Variants in SCNN1B observed in about 807,000 individuals in gnomAD.
The protein encoded by SCNN1B is epithelial sodium channel subunit beta.
A neutral mutation model predicts 65.3 loss-of-function variants in SCNN1B; 46 were observed. That is an observed-to-expected ratio of 0.70 (90% confidence interval 0.56 to 0.90). The LOEUF (loss-of-function observed/expected upper bound fraction) is 0.90, where lower values mean the gene tolerates loss of function less well. Among genes scored for constraint, SCNN1B ranks in the 40% least tolerant of loss-of-function variants. The pLI is 0.00. For missense variants in SCNN1B, 751 were observed against 830.5 expected (o/e 0.90, Z 1.18); for synonymous variants, 349 against 330.6 (o/e 1.06, Z -0.60).
chr16:23,318,815 C>T (rs2141992353), intron 1 of SCNN1B, among the ~76,000 whole-genome samples: 1 of 152,314 alleles, frequency 6.6e-6, no homozygotes, highest in African/African-American at 2.4e-5. Flanking sequence ...AGGAAGGCAG[C>T]TCCCTGAAAT....
intron 2 of SCNN1B, among the ~76,000 whole-genome samples, chr16:23,293,264 A>G (rs1192006222): frequency 6.6e-6 from 1 of 152,136 alleles, no homozygotes; most frequent in African/African-American, 2.4e-5. Flanking sequence ...AACAAACCAA[A>G]TGTCCATAAA....
intron 10 of SCNN1B, 29 bp from the exon 11 acceptor site, chr16:23,378,677 A>G (rs1346675102): frequency 1.2e-6 from 2 of 1,613,264 alleles, no homozygotes; most frequent in Non-Finnish European, 1.7e-6. Flanking sequence ...GCAGATGGCA[A>G]CTTTTGCAAC....
upstream of SCNN1B, among the ~76,000 whole-genome samples, chr16:23,301,359 C>A (rs868657329): frequency 7.1e-4 from 85 of 120,364 alleles, no homozygotes; most frequent in South Asian, 1.9e-3. Context: ...GAGACTCTGT[C>A]AAAAAAAAAA....
chr16:23,280,954 C>T (rs1180833148), intron 1 of SCNN1B, among the ~76,000 whole-genome samples: 2 of 152,238 alleles, frequency 1.3e-5, no homozygotes, highest in Non-Finnish European at 2.9e-5. Flanking sequence ...CACTTCCTTA[C>T]ATCCTGTAAC....
Position 23,375,861 on chromosome 16 carries a change from C to T in SCNN1B, c.1270+6C>T, listed in dbSNP as rs552841992. 11 of 1,557,536 alleles carry T rather than the reference C, an allele frequency of 7.1e-6. No homozygotes were observed. Among genetic ancestry groups the T allele is most frequent in the South Asian group, 3.3e-5 (3 of 89,958 alleles). On this transcript the variant is annotated splice_donor_region_variant and intron_variant, in intron 8 of 12. Coordinates refer to ENST00000343070, the MANE Select transcript of SCNN1B (RefSeq NM_000336.3). The stretch of plus-strand genomic sequence containing the variant: ...CCGGGACTTCCCAGACTGGGGTGAG[C>T]GGGGGCACGGGGGATCGGCACTCCA...
At chr16:23,370,314 C>T (rs554611188) in intron 5 of SCNN1B, among the ~76,000 whole-genome samples, 2 of 152,220 alleles carry the variant, frequency 1.3e-5, no homozygotes, top group East Asian at 1.9e-4. Flanking sequence ...CCATGTTAGC[C>T]AGGTTGGTCT....
At chr16:23,329,139 T>A (rs1961757372) in intron 1 of SCNN1B, among the ~76,000 whole-genome samples, 1 of 150,102 alleles carries the variant, frequency 6.7e-6, no homozygotes, top group South Asian at 2.1e-4. Flanking sequence ...AGAGACAGGG[T>A]CTCGCTCTGT....
intron 1 of SCNN1B, among the ~76,000 whole-genome samples, chr16:23,345,735 C>T (rs572190401): frequency 3.9e-5 from 6 of 152,278 alleles, no homozygotes; most frequent in South Asian, 4.1e-4. Context: ...AAAGGGACAG[C>T]GGGATATCTT....
At chr16:23,283,811 C>A (rs1052386714) in intron 2 of SCNN1B, 1 of 152,246 alleles carries the variant, frequency 6.6e-6, no homozygotes, top group African/African-American at 2.4e-5. Flanking sequence ...ACAGGTAGGG[C>A]TGGAGGGACA....
chr16:23,376,962 T>C (rs1275799108), intron 8 of SCNN1B, among the ~76,000 whole-genome samples: 3 of 152,110 alleles, frequency 2.0e-5, no homozygotes, highest in Non-Finnish European at 4.4e-5. Flanking sequence ...GGGACCCCCC[T>C]GAGCTGGGCC....
At chr16:23,363,106 A>T (rs1040572724) in intron 4 of SCNN1B, among the ~76,000 whole-genome samples, 14 of 152,130 alleles carry the variant, frequency 9.2e-5, no homozygotes, top group African/African-American at 3.4e-4. Context: ...CTTGGGTGTC[A>T]CTTCTCCATA....
At chr16:23,311,682 C>T (rs753343176) in intron 1 of SCNN1B, among the ~76,000 whole-genome samples, 7 of 152,144 alleles carry the variant, frequency 4.6e-5, no homozygotes, top group Non-Finnish European at 5.9e-5. Flanking sequence ...GGTTAGGGAG[C>T]GAGACCATGA....
chr16:23,325,375 T>C (rs960025410), intron 1 of SCNN1B, among the ~76,000 whole-genome samples: 4 of 152,084 alleles, frequency 2.6e-5, no homozygotes, highest in African/African-American at 4.8e-5. Context: ...CAAGTGACTC[T>C]CCTGCCTCAG....
chr16:23,311,886 C>T (rs911846672), intron 1 of SCNN1B, among the ~76,000 whole-genome samples: 2 of 152,150 alleles, frequency 1.3e-5, no homozygotes, highest in Admixed American at 6.5e-5. Flanking sequence ...ACAGAGAAAG[C>T]CCCAAGAGAT....
In SCNN1B at chr16:23,348,839, C is replaced by T. The variant is rs763841253; in HGVS notation, c.240C>T (p.Ser80=). The change falls in exon 2 of 13, where the codon AGC becomes AGT. Residue 80 remains serine (S), a synonymous_variant. Coordinates refer to ENST00000343070, the MANE Select transcript of SCNN1B (RefSeq NM_000336.3). The surrounding 1 kb of genome is among the most constrained non-coding windows in gnomAD (Gnocchi z 4.5). ...FIRTYLSWEV[S]VSLSVGFKTM... ...GGACCTACTTGAGCTGGGAGGTCAG[C>T]GTCTCCCTCTCCGTAGGCTTCAAGA... 4.3e-6 allele frequency: 7 copies of T among 1,614,028 alleles called. No individual in the cohort carries two copies. The highest frequency in any genetic ancestry group is 4.5e-5 in the East Asian group (2 of 44,882).
At chr16:23,364,197 CTGG>C (rs1430354178) in intron 4 of SCNN1B, among the ~76,000 whole-genome samples, 1 of 152,080 alleles carries the variant, frequency 6.6e-6, no homozygotes, top group East Asian at 1.9e-4. Flanking sequence ...TATAAATAAA[CTGG>C]TGGAAAAGAT....
rs112255148 is a variant in SCNN1B at position 23,379,138 on chromosome 16, T to C, written c.1466+371T>C. 2.5e-4 allele frequency among the ~76,000 whole-genome samples: 36 copies of C among 142,620 alleles called. 1 individual carries two copies. Among genetic ancestry groups the C allele is most frequent in the African/African-American group, 1.0e-3 (36 of 35,618 alleles). The allele number at this position is 142,620 out of a possible 152,430, so 93.6% of individuals were successfully genotyped here. A position where few individuals can be genotyped will look rare whatever the true frequency, so the allele number is the denominator to read the frequency against. The stretch of plus-strand genomic sequence containing the variant: ...ACCCACACACCCAGCCATCCTCCAC[T>C]CATTCATCCTCCATTCTCCCACCCA... On this transcript the variant is annotated intron_variant, in intron 11 of 12. Transcript: ENST00000343070.
At chr16:23,299,021 T>A (rs1209551117), upstream of SCNN1B, among the ~76,000 whole-genome samples, 3 of 151,994 alleles carry the variant, frequency 2.0e-5, no homozygotes, top group Admixed American at 2.0e-4. Flanking sequence ...CATATGAAAT[T>A]GCTATGTTCT....
chr16:23,374,573 CAAAAAAAAAAAAA>C (rs1168924579), intron 7 of SCNN1B, among the ~76,000 whole-genome samples: 1 of 48,326 alleles, frequency 2.1e-5, no homozygotes, highest in Non-Finnish European at 4.2e-5. Context: ...GACTCCATCT[CAAAAAAAAAAAAA>C]AAAAAAAAAA....
Sources: allele counts gnomAD v4.1 joint callset (sites outside exome capture counted in the v4.1 genomes callset), GRCh38; gene constraint gnomAD v4.1.1; non-coding constraint Gnocchi (gnomAD v3.1); transcripts MANE v1.5; gene names NCBI Gene and HGNC (gene_info 2026-07-23, HGNC 2026-07-21).